RFX7: variants seen among roughly 807,000 people sequenced by gnomAD.
RFX7 encodes regulatory factor X7.
RFX7 carries 26 observed loss-of-function variants against 111.8 expected under a neutral mutation model. The observed-to-expected ratio is 0.23, with a 90% confidence interval of 0.17 to 0.32. RFX7 has a LOEUF of 0.32. RFX7 is among the 10% of genes least tolerant of loss of function. The pLI is 1.00. For synonymous variants in RFX7, 624 were observed against 624.4 expected (o/e 1.00, Z 0.01); for missense variants, 1,573 against 1,772.9 (o/e 0.89, Z 2.02).
chr15:56,237,889 A>G (rs2043642816), intron 2 of RFX7, among the ~76,000 whole-genome samples: 1 of 152,202 alleles, frequency 6.6e-6, no homozygotes, highest in Non-Finnish European at 1.5e-5. Flanking sequence ...CAATACGGAT[A>G]TGCAAAATGC....
chr15:56,154,512 G>C (rs1390916287), intron 3 of RFX7, among the ~76,000 whole-genome samples: 2 of 152,072 alleles, frequency 1.3e-5, no homozygotes, highest in African/African-American at 4.8e-5. Flanking sequence ...ACAAACCTGA[G>C]AAAAACAAGC....
rs1174362903 is a variant in RFX7, at chr15:56,137,469, T to C, written c.401+5309A>G. ...GTGGGATTGGTGGTGATATCCCCTT[T>C]ATCATTTTTTATTGCATCTATTCGA... On this transcript the variant is annotated intron_variant, in intron 5 of 9. Transcript: ENST00000559447. Among the ~76,000 whole-genome samples, 18 of 152,344 alleles carry C rather than the reference T, an allele frequency of 1.2e-4. No individual in the cohort carries two copies. In the South Asian group the frequency reaches 3.5e-3, roughly 30 times the overall value.
chr15:56,216,107 G>C (rs1317655869), intron 2 of RFX7, among the ~76,000 whole-genome samples: 1 of 152,152 alleles, frequency 6.6e-6, no homozygotes, highest in Non-Finnish European at 1.5e-5. Flanking sequence ...ATTAGGTCCA[G>C]CCCACACTCA....
At chr15:56,189,245 G>C (rs2043075786) in intron 2 of RFX7, among the ~76,000 whole-genome samples, 2 of 152,106 alleles carry the variant, frequency 1.3e-5, no homozygotes, top group Non-Finnish European at 2.9e-5. Context: ...TAAAAAGCCA[G>C]GCGTGGTGGT....
chr15:56,137,033 G>T (rs1480680706), intron 5 of RFX7, among the ~76,000 whole-genome samples: 4 of 152,026 alleles, frequency 2.6e-5, no homozygotes, highest in African/African-American at 4.8e-5. Context: ...ATTTTATTGA[G>T]AATTTTTGCA....
intron 2 of RFX7, among the ~76,000 whole-genome samples, chr15:56,185,696 T>C (rs2043031217): frequency 6.6e-6 from 1 of 152,188 alleles, no homozygotes; most frequent in Admixed American, 6.5e-5. Context: ...CTCTGCTGCA[T>C]ATTAATTTTG....
intron 5 of RFX7, among the ~76,000 whole-genome samples, chr15:56,131,631 T>C (rs1366327948): frequency 6.6e-6 from 1 of 152,214 alleles, no homozygotes; most frequent in Admixed American, 6.5e-5. Context: ...AATAATCTCA[T>C]TTGGATGCCA....
At chr15:56,193,894 A>AG (rs2043122567) in intron 2 of RFX7, among the ~76,000 whole-genome samples, 1 of 152,296 alleles carries the variant, frequency 6.6e-6, no homozygotes, top group African/African-American at 2.4e-5. Flanking sequence ...TGTGTTTAAA[A>AG]ATTAAAAAAA....
intron 3 of RFX7, among the ~76,000 whole-genome samples, chr15:56,164,308 T>C (rs1230486512): frequency 6.6e-6 from 1 of 152,198 alleles, no homozygotes; most frequent in Non-Finnish European, 1.5e-5. Flanking sequence ...ACAGGGTCAG[T>C]AGCTGATTCC....
chr15:56,097,531 T>A (rs2041695390), intron 9 of RFX7, among the ~76,000 whole-genome samples: 1 of 152,028 alleles, frequency 6.6e-6, no homozygotes, highest in Non-Finnish European at 1.5e-5. Flanking sequence ...GGCGGGTGGA[T>A]CACTTGACGT....
At chr15:56,202,222 T>C (rs578146806) in intron 2 of RFX7, among the ~76,000 whole-genome samples, 90 of 152,076 alleles carry the variant, frequency 5.9e-4, no homozygotes, top group African/African-American at 1.9e-3. Flanking sequence ...ATACAAACCA[T>C]AGAAATCTTA....
In RFX7 at chr15:56,091,725, C is replaced by T. The variant is rs2041598547; in HGVS notation, c.*1620G>A. Reference sequence around the variant, plus strand: ...CATGAAATCAAGATAACAGCAAACACACACAAATGCCAATAACTAAGACAT... The same window carrying T: ...CATGAAATCAAGATAACAGCAAACATACACAAATGCCAATAACTAAGACAT... On this transcript the variant is annotated 3_prime_UTR_variant, in exon 10 of 10. Transcript: ENST00000559447. 6.6e-6 allele frequency: 1 copy of T among 152,518 alleles called. No homozygotes were observed. Among genetic ancestry groups the T allele is most frequent in the African/African-American group, 2.4e-5 (1 of 41,442 alleles). 9.4% of individuals were successfully genotyped at this position (152,518 alleles called of 1,614,324 possible).
chr15:56,231,367 G>T (rs1483733992), intron 2 of RFX7, among the ~76,000 whole-genome samples: 1 of 152,178 alleles, frequency 6.6e-6, no homozygotes, highest in Non-Finnish European at 1.5e-5. Flanking sequence ...CCACATGGCT[G>T]GGGAGGCTTT....
At chr15:56,188,948 T>C (rs2043071302) in intron 2 of RFX7, among the ~76,000 whole-genome samples, 1 of 152,198 alleles carries the variant, frequency 6.6e-6, no homozygotes, top group African/African-American at 2.4e-5. Context: ...TTCTCCTGCC[T>C]CAGCCTCCCC....
At chr15:56,125,607 G>GT (rs1456250644) in intron 5 of RFX7, among the ~76,000 whole-genome samples, 1 of 88,214 alleles carries the variant, frequency 1.1e-5, no homozygotes, top group Non-Finnish European at 2.3e-5. Flanking sequence ...TTCTGTGTGT[G>GT]TGAGTGTGTG....
chr15:56,213,635 G>A (rs1355036702), intron 2 of RFX7, among the ~76,000 whole-genome samples: 1 of 152,178 alleles, frequency 6.6e-6, no homozygotes, highest in East Asian at 1.9e-4. Flanking sequence ...TTGTGACAGT[G>A]TATGACGCTA....
At chr15:56,184,516 G>C (rs150284860) in intron 2 of RFX7, among the ~76,000 whole-genome samples, 1 of 151,748 alleles carries the variant, frequency 6.6e-6, no homozygotes, top group East Asian at 1.9e-4. Flanking sequence ...TTTTGTTTCC[G>C]CATTAAAGAA....
At chr15:56,219,875 A>G (rs1356070891) in intron 2 of RFX7, among the ~76,000 whole-genome samples, 2 of 152,212 alleles carry the variant, frequency 1.3e-5, no homozygotes, top group Admixed American at 1.3e-4. Context: ...TTCTTTGGGT[A>G]TATACCCAAT....
chr15:56,228,949 AAATAGTAAAATAAGTAATT>A (rs2043517573), intron 2 of RFX7, among the ~76,000 whole-genome samples: 1 of 152,340 alleles, frequency 6.6e-6, no homozygotes, highest in Non-Finnish European at 1.5e-5. Context: ...AAAATAGAAT[AAATAGTAAAATAAGTAATT>A]ATAATACATA....
Sources: gnomAD v4.1 joint callset for allele counts (sites outside exome capture counted in the v4.1 genomes callset) on GRCh38, gnomAD v4.1.1 for gene constraint, MANE v1.5 for transcripts, NCBI Gene and HGNC (gene_info 2026-07-23, HGNC 2026-07-21) for gene names.